Variants in GRIA4 observed in about 807,000 individuals in gnomAD.
GRIA4 encodes glutamate ionotropic receptor AMPA type subunit 4.
In GRIA4, 34 loss-of-function variants were observed where a neutral mutation model predicts 104.0. That is an observed-to-expected ratio of 0.33 (90% CI 0.25 to 0.44). The LOEUF is 0.44. Among genes scored for constraint, GRIA4 ranks in the 20% least tolerant of loss-of-function variants. The probability of loss-of-function intolerance (pLI) is 1.00; values close to 1 mark genes in which losing one functional copy is unlikely to be tolerated. For synonymous variants in GRIA4, 386 were observed against 381.9 expected (o/e 1.01, Z -0.13); for missense variants, 750 against 1,096.5 (o/e 0.68, Z 4.46).
chr11:105,733,819 T>C (rs923347547), intron 3 of GRIA4, among the ~76,000 whole-genome samples: 11 of 111,162 alleles, frequency 9.9e-5, no homozygotes, highest in Non-Finnish European at 1.6e-4. Context: ...CCCTTCCATT[T>C]TGAAACACTT....
chr11:105,733,449 C>T (rs1005833374), intron 3 of GRIA4, among the ~76,000 whole-genome samples: 3 of 151,792 alleles, frequency 2.0e-5, no homozygotes, highest in African/African-American at 7.3e-5. Flanking sequence ...TTTCCATAGA[C>T]GTCTATTCTT....
chr11:105,683,900 G>C (rs1952787641), intron 3 of GRIA4, among the ~76,000 whole-genome samples: 1 of 151,670 alleles, frequency 6.6e-6, no homozygotes, highest in Non-Finnish European at 1.5e-5. Context: ...TTTTGAGATG[G>C]AGTCTCTCTC....
At chr11:105,956,699 G>A (rs569297114) in intron 14 of GRIA4, among the ~76,000 whole-genome samples, 1 of 152,246 alleles carries the variant, frequency 6.6e-6, no homozygotes, top group Non-Finnish European at 1.5e-5. Flanking sequence ...TTCCACAATG[G>A]TTGAACTAGT....
intron 3 of GRIA4, among the ~76,000 whole-genome samples, chr11:105,731,577 GTA>G (rs1490938078): frequency 6.6e-6 from 1 of 152,062 alleles, no homozygotes; most frequent in Non-Finnish European, 1.5e-5. Context: ...ACTTGCACAC[GTA>G]TGTTTATTGC....
intron 4 of GRIA4, among the ~76,000 whole-genome samples, chr11:105,794,529 A>G (rs1280305495): frequency 7.4e-6 from 1 of 136,032 alleles, no homozygotes; most frequent in African/African-American, 2.7e-5. Flanking sequence ...ACACACACAC[A>G]CATATCTGTC....
At chr11:105,857,870 C>T (rs1307132611) in intron 4 of GRIA4, among the ~76,000 whole-genome samples, 2 of 152,138 alleles carry the variant, frequency 1.3e-5, no homozygotes, top group African/African-American at 4.8e-5. Context: ...TGTGTGCTGA[C>T]AGTTAAATAA....
intron 4 of GRIA4, among the ~76,000 whole-genome samples, chr11:105,829,259 A>C (rs962085718): frequency 1.3e-5 from 2 of 151,974 alleles, no homozygotes; most frequent in African/African-American, 4.8e-5. Flanking sequence ...TAAAATGAGG[A>C]ACTGAAACAT....
At chr11:105,699,981 C>A (rs1953426472) in intron 3 of GRIA4, among the ~76,000 whole-genome samples, 1 of 152,144 alleles carries the variant, frequency 6.6e-6, no homozygotes, top group Non-Finnish European at 1.5e-5. Context: ...GTATTCTCAG[C>A]ACCTGGAACA....
intron 7 of GRIA4, among the ~76,000 whole-genome samples, chr11:105,901,971 A>T (rs763518440): frequency 6.6e-5 from 10 of 152,058 alleles, no homozygotes; most frequent in Non-Finnish European, 1.2e-4. Flanking sequence ...AGATGATTTG[A>T]TGACTTTCTC....
chr11:105,956,799 T>C (rs1948602245), intron 14 of GRIA4, among the ~76,000 whole-genome samples: 1 of 152,234 alleles, frequency 6.6e-6, no homozygotes, highest in Non-Finnish European at 1.5e-5. Context: ...TGATTGCCAT[T>C]CTAACTGGTG....
chr11:105,925,243 G>T (rs1199529860), intron 12 of GRIA4, among the ~76,000 whole-genome samples: 4 of 152,122 alleles, frequency 2.6e-5, no homozygotes, highest in African/African-American at 4.8e-5. Flanking sequence ...GTAGGTACCA[G>T]ATATACATTG....
intron 3 of GRIA4, among the ~76,000 whole-genome samples, chr11:105,615,047 A>C (rs191264237): frequency 1.3e-5 from 2 of 151,844 alleles, no homozygotes; most frequent in Admixed American, 6.6e-5. Flanking sequence ...ATATAAAGAC[A>C]TAATATGTGG....
intron 3 of GRIA4, among the ~76,000 whole-genome samples, chr11:105,697,516 T>C (rs1468214884): frequency 6.6e-6 from 1 of 152,184 alleles, no homozygotes; most frequent in Non-Finnish European, 1.5e-5. Context: ...GAGAAGAACA[T>C]GCAAATTTGC....
At chr11:105,790,885 A>G (rs976720517) in intron 4 of GRIA4, among the ~76,000 whole-genome samples, 2 of 152,104 alleles carry the variant, frequency 1.3e-5, no homozygotes, top group African/African-American at 4.8e-5. Flanking sequence ...ATGTGGTTTG[A>G]TTATTTGCTT....
At chr11:105,615,355 T>A (rs892438665) in intron 3 of GRIA4, among the ~76,000 whole-genome samples, 3 of 151,892 alleles carry the variant, frequency 2.0e-5, no homozygotes, top group African/African-American at 7.2e-5. Context: ...CTTAAACTTA[T>A]AATTTTTGGT....
chr11:105,866,280 T>A (rs1320185676), intron 5 of GRIA4, among the ~76,000 whole-genome samples: 1 of 152,074 alleles, frequency 6.6e-6, no homozygotes, highest in African/African-American at 2.4e-5. Context: ...TGAAGTCTTT[T>A]TGATGATTTG....
intron 4 of GRIA4, among the ~76,000 whole-genome samples, chr11:105,845,063 AT>A (rs763558884): frequency 1.1e-4 from 16 of 152,146 alleles, no homozygotes; most frequent in South Asian, 4.1e-4. Flanking sequence ...AACGACCATC[AT>A]TTTATTATTA....
At chr11:105,953,873 C>T (rs1214746707) in intron 14 of GRIA4, among the ~76,000 whole-genome samples, 1 of 152,044 alleles carries the variant, frequency 6.6e-6, no homozygotes, top group African/African-American at 2.4e-5. Flanking sequence ...AACATAGTTG[C>T]TAGCCATAAA....
chr11:105,937,114 G>T (rs1337044127), intron 14 of GRIA4, among the ~76,000 whole-genome samples: 2 of 151,940 alleles, frequency 1.3e-5, no homozygotes, highest in Non-Finnish European at 2.9e-5. Context: ...AGTCCCCTTG[G>T]CAATCCGAAA....
Sources: allele counts gnomAD v4.1 joint callset (sites outside exome capture counted in the v4.1 genomes callset), GRCh38; gene constraint gnomAD v4.1.1; transcripts MANE v1.5; gene names NCBI Gene and HGNC (gene_info 2026-07-23, HGNC 2026-07-21).